Variants in CTNNA3 observed in about 807,000 individuals in gnomAD.
CTNNA3 encodes the protein catenin alpha 3.
In CTNNA3, 76 loss-of-function variants were observed where a neutral mutation model predicts 95.7. The observed-to-expected ratio is 0.79, with a 90% CI of 0.66 to 0.96. The LOEUF is 0.96. Among genes scored for constraint, CTNNA3 ranks in the 40% least tolerant of loss-of-function variants. The probability of loss-of-function intolerance (pLI) is 0.00; values close to 1 mark genes in which losing one functional copy is unlikely to be tolerated. For synonymous variants in CTNNA3, 431 were observed against 374.4 expected (o/e 1.15, Z -1.74); for missense variants, 1,191 against 1,089.8 (o/e 1.09, Z -1.31).
At chr10:67,127,908 G>T (rs1859799975) in intron 7 of CTNNA3, among the ~76,000 whole-genome samples, 1 of 151,996 alleles carries the variant, frequency 6.6e-6, no homozygotes, top group Non-Finnish European at 1.5e-5. Context: ...GCGTGCACAT[G>T]TACATGCATG....
intron 1 of CTNNA3, among the ~76,000 whole-genome samples, chr10:67,741,806 A>C (rs994181430): frequency 4.6e-5 from 7 of 151,294 alleles, no homozygotes; most frequent in Admixed American, 2.6e-4. Flanking sequence ...AAAGGGATAG[A>C]GGAAGATCTA....
At chr10:66,044,955 T>C (rs1312898444) in intron 15 of CTNNA3, among the ~76,000 whole-genome samples, 1 of 149,876 alleles carries the variant, frequency 6.7e-6, no homozygotes, top group Non-Finnish European at 1.5e-5. Flanking sequence ...CATACCACAG[T>C]TAGCCTCTAA....
intron 17 of CTNNA3, among the ~76,000 whole-genome samples, chr10:65,927,880 C>A (rs2077191228): frequency 6.6e-6 from 1 of 152,048 alleles, no homozygotes; most frequent in African/African-American, 2.4e-5. Flanking sequence ...AAACTGTTGA[C>A]CAAAGTTATT....
At chr10:67,593,716 G>A (rs10997740) in intron 3 of CTNNA3, among the ~76,000 whole-genome samples, 1 of 152,106 alleles carries the variant, frequency 6.6e-6, no homozygotes, top group African/African-American at 2.4e-5. Context: ...AAGATAGGTT[G>A]AATTCCTCTC....
intron 7 of CTNNA3, among the ~76,000 whole-genome samples, chr10:66,815,672 A>G (rs1054500713): frequency 6.6e-6 from 1 of 152,194 alleles, no homozygotes; most frequent in African/African-American, 2.4e-5. Context: ...AGGCAATCCA[A>G]AAAGCTTGTA....
At chr10:67,636,017 T>C (rs992353121) in intron 2 of CTNNA3, among the ~76,000 whole-genome samples, 5 of 151,938 alleles carry the variant, frequency 3.3e-5, no homozygotes, top group African/African-American at 1.2e-4. Context: ...TTCCTATACA[T>C]GAACAATAGG....
chr10:67,230,595 G>GA (rs1426533096), intron 5 of CTNNA3, among the ~76,000 whole-genome samples: 3 of 151,810 alleles, frequency 2.0e-5, no homozygotes, highest in Non-Finnish European at 4.4e-5. Flanking sequence ...AAATCAATAA[G>GA]AAAAAAACAA....
At chr10:66,736,347 G>A (rs909809347) in intron 9 of CTNNA3, among the ~76,000 whole-genome samples, 28 of 150,564 alleles carry the variant, frequency 1.9e-4, no homozygotes, top group Non-Finnish European at 1.6e-4. Context: ...CGCCACACCC[G>A]GCTAATTTTT....
At chr10:66,260,509 C>G (rs1009825888) in intron 13 of CTNNA3, among the ~76,000 whole-genome samples, 1 of 152,102 alleles carries the variant, frequency 6.6e-6, no homozygotes, top group African/African-American at 2.4e-5. Flanking sequence ...AATCTGTATG[C>G]CCTTTCTCCA....
chr10:67,413,946 A>AAAATT (rs1845462120), intron 5 of CTNNA3, among the ~76,000 whole-genome samples: 1 of 152,170 alleles, frequency 6.6e-6, no homozygotes, highest in Non-Finnish European at 1.5e-5. Context: ...TGTTAAGAGG[A>AAAATT]AAATTAATAG....
At chr10:66,584,638 A>G (rs67140694) in intron 10 of CTNNA3, among the ~76,000 whole-genome samples, 11,115 of 152,010 alleles carry the variant, frequency 0.073, 738 homozygotes, top group East Asian at 0.35. Context: ...TTTAAAATCC[A>G]TTCTGTCAGT....
intron 5 of CTNNA3, among the ~76,000 whole-genome samples, chr10:67,419,979 G>A (rs1962547): frequency 0.81 from 122,434 of 152,070 alleles, 53,664 homozygotes; most frequent in East Asian, 1. Flanking sequence ...AGCCACCTGA[G>A]TAGCTGGGAC....
chr10:66,993,062 G>A (rs751298488), intron 7 of CTNNA3, among the ~76,000 whole-genome samples: 44 of 152,180 alleles, frequency 2.9e-4, no homozygotes, highest in Middle Eastern at 3.4e-3. Context: ...ACAAAATTCC[G>A]TTTCCCATGG....
chr10:66,463,870 G>T (rs2093546020), intron 11 of CTNNA3, among the ~76,000 whole-genome samples: 1 of 150,212 alleles, frequency 6.7e-6, no homozygotes, highest in African/African-American at 2.5e-5. Context: ...TGAACAGAGG[G>T]AGCAGTCACT....
At chr10:65,944,399 T>A (rs1009710601) in intron 17 of CTNNA3, among the ~76,000 whole-genome samples, 8 of 152,226 alleles carry the variant, frequency 5.3e-5, no homozygotes, top group African/African-American at 9.6e-5. Context: ...AATGGGGCTA[T>A]TCGAAAATGC....
intron 7 of CTNNA3, among the ~76,000 whole-genome samples, chr10:67,050,629 G>A (rs1378677311): frequency 3.3e-5 from 5 of 152,188 alleles, no homozygotes; most frequent in Non-Finnish European, 7.3e-5. Context: ...GTACGCTGAG[G>A]CTGATGTGAT....
intron 13 of CTNNA3, among the ~76,000 whole-genome samples, chr10:66,263,150 A>C (rs2091054067): frequency 1.3e-5 from 2 of 152,030 alleles, no homozygotes; most frequent in Non-Finnish European, 2.9e-5. Flanking sequence ...GAGCTAGGCA[A>C]AAGCCATCAT....
chr10:67,335,097 A>G (rs1841945866), intron 5 of CTNNA3, among the ~76,000 whole-genome samples: 1 of 152,150 alleles, frequency 6.6e-6, no homozygotes, highest in African/African-American at 2.4e-5. Flanking sequence ...AGCCACTGTC[A>G]GTATGGGGTT....
chr10:66,288,741 C>T (rs1028375677), intron 12 of CTNNA3, among the ~76,000 whole-genome samples: 1 of 152,054 alleles, frequency 6.6e-6, no homozygotes, highest in Non-Finnish European at 1.5e-5. Flanking sequence ...CACCTGTCCT[C>T]TGCAGGGCAC....
Sources: allele counts gnomAD v4.1 joint callset (sites outside exome capture counted in the v4.1 genomes callset), GRCh38; gene constraint gnomAD v4.1.1; transcripts MANE v1.5; gene names NCBI Gene and HGNC (gene_info 2026-07-23, HGNC 2026-07-21).